STIM1: variants seen among roughly 807,000 people sequenced by gnomAD.
The protein encoded by STIM1 is stromal interaction molecule 1.
Under a neutral mutation model 74.7 loss-of-function variants are expected in STIM1, and 25 were observed. That is an observed-to-expected ratio of 0.33 (90% confidence interval 0.24 to 0.47). The LOEUF (loss-of-function observed/expected upper bound fraction) is 0.47, where lower values mean the gene tolerates loss of function less well. Among genes scored for constraint, STIM1 ranks in the 20% least tolerant of loss-of-function variants. The pLI, the probability that STIM1 is intolerant of heterozygous loss-of-function variation, is 1.00. For synonymous variants in STIM1, 328 were observed against 348.8 expected (o/e 0.94, Z 0.66); for missense variants, 728 against 920.8 (o/e 0.79, Z 2.71).
At chr11:3,925,092 C>T (rs2092770972) in intron 1 of STIM1, among the ~76,000 whole-genome samples, 1 of 152,134 alleles carries the variant, frequency 6.6e-6, no homozygotes, top group African/African-American at 2.4e-5. Context: ...CAAAGGAATG[C>T]AGTTTTAAAA....
At chr11:3,894,316 CG>C (rs998529451) in intron 1 of STIM1, among the ~76,000 whole-genome samples, 12 of 152,050 alleles carry the variant, frequency 7.9e-5, no homozygotes, top group Non-Finnish European at 1.8e-4. Flanking sequence ...AAAAGGGCCC[CG>C]TATGTTTTCA....
At chr11:3,929,706 G>A (rs2092834179) in intron 1 of STIM1, among the ~76,000 whole-genome samples, 1 of 152,138 alleles carries the variant, frequency 6.6e-6, no homozygotes, top group African/African-American at 2.4e-5. Flanking sequence ...GGCGAGGGAA[G>A]GGTCAACACC....
chr11:3,942,255 G>T (rs1056444272), intron 1 of STIM1, among the ~76,000 whole-genome samples: 1 of 152,184 alleles, frequency 6.6e-6, no homozygotes, highest in African/African-American at 2.4e-5. Context: ...AATGAGCTGT[G>T]CAGAGAAGCA....
intron 2 of STIM1, among the ~76,000 whole-genome samples, chr11:3,972,478 CATTT>C (rs527805796): frequency 2.5e-3 from 373 of 152,190 alleles, no homozygotes; most frequent in African/African-American, 8.5e-3. Flanking sequence ...TTTATAGACA[CATTT>C]ATTCAGCATC....
chr11:3,896,854 C>T (rs1441647619), intron 1 of STIM1, among the ~76,000 whole-genome samples: 1 of 152,100 alleles, frequency 6.6e-6, no homozygotes, highest in Admixed American at 6.5e-5. Flanking sequence ...TGTCTCTGAG[C>T]CTGCTTCCTC....
intron 1 of STIM1, among the ~76,000 whole-genome samples, chr11:3,890,417 T>C (rs901574815): frequency 2.6e-5 from 4 of 152,226 alleles, no homozygotes; most frequent in African/African-American, 9.6e-5. Flanking sequence ...TAAGAACTTT[T>C]CTGTATCACC....
intron 7 of STIM1, among the ~76,000 whole-genome samples, chr11:4,080,855 A>G (rs547869932): frequency 6.6e-6 from 1 of 151,898 alleles, no homozygotes; most frequent in South Asian, 2.1e-4. Context: ...TCTCTTCTTC[A>G]TCCATTCTTC....
intron 1 of STIM1, among the ~76,000 whole-genome samples, chr11:3,954,456 G>T (rs2093186983): frequency 6.6e-6 from 1 of 152,206 alleles, no homozygotes; most frequent in Non-Finnish European, 1.5e-5. Flanking sequence ...CATGGTTCCT[G>T]CCACTATGGA....
intron 1 of STIM1, among the ~76,000 whole-genome samples, chr11:3,914,239 C>T (rs917132590): frequency 1.3e-5 from 2 of 152,100 alleles, no homozygotes; most frequent in African/African-American, 2.4e-5. Context: ...TGTCTTTTTA[C>T]GTCTTGCTTA....
chr11:3,873,245 G>A (rs1017108149), intron 1 of STIM1, among the ~76,000 whole-genome samples: 4 of 151,818 alleles, frequency 2.6e-5, no homozygotes, highest in African/African-American at 9.7e-5. Context: ...GAGAAACCCC[G>A]TCTTTACTAA....
intron 1 of STIM1, among the ~76,000 whole-genome samples, chr11:3,883,328 C>T (rs1169243952): frequency 6.6e-6 from 1 of 152,048 alleles, no homozygotes; most frequent in Non-Finnish European, 1.5e-5. Flanking sequence ...ATGAACATCT[C>T]TATAATGGGA....
intron 1 of STIM1, among the ~76,000 whole-genome samples, chr11:3,864,520 A>G (rs1176139167): frequency 6.6e-6 from 1 of 152,184 alleles, no homozygotes; most frequent in Admixed American, 6.5e-5. Flanking sequence ...ACTGGGCTAT[A>G]CTGGACATGA....
chr11:3,877,774 T>C (rs2091355349), intron 1 of STIM1, among the ~76,000 whole-genome samples: 1 of 152,198 alleles, frequency 6.6e-6, no homozygotes, highest in Non-Finnish European at 1.5e-5. Flanking sequence ...TTGTCATATA[T>C]GCACAAGGGC....
chr11:4,026,458 T>G (rs981354837), intron 3 of STIM1, among the ~76,000 whole-genome samples: 2 of 152,232 alleles, frequency 1.3e-5, no homozygotes, highest in South Asian at 4.1e-4. Context: ...ACAGAAACCA[T>G]ATGAAGTATA....
intron 1 of STIM1, among the ~76,000 whole-genome samples, chr11:3,962,406 A>G (rs956137036): frequency 2.0e-5 from 3 of 152,048 alleles, no homozygotes; most frequent in African/African-American, 4.8e-5. Context: ...CGTTGCTGCA[A>G]AAGACATGAT....
At chr11:3,930,993 T>C (rs1385040589) in intron 1 of STIM1, among the ~76,000 whole-genome samples, 1 of 152,228 alleles carries the variant, frequency 6.6e-6, no homozygotes, top group Non-Finnish European at 1.5e-5. Flanking sequence ...ATAGATATGG[T>C]TCCTGCTCTC....
intron 1 of STIM1, among the ~76,000 whole-genome samples, chr11:3,918,968 C>T (rs570720419): frequency 3.5e-4 from 53 of 152,172 alleles, no homozygotes; most frequent in African/African-American, 1.2e-3. Context: ...TGCCAGGAGA[C>T]TTGGACAGGG....
intron 2 of STIM1, among the ~76,000 whole-genome samples, chr11:3,976,539 T>A (rs1004825259): frequency 3.3e-5 from 5 of 152,154 alleles, no homozygotes; most frequent in African/African-American, 1.2e-4. Flanking sequence ...TTAAATTTCA[T>A]CATATGTTAA....
rs1418384472 is a variant in STIM1, at chr11:4,070,054, C to G, written c.642C>G (p.Phe214Leu). 12 of 1,614,044 alleles carry G rather than the reference C, an allele frequency of 7.4e-6. No homozygotes were observed. The highest frequency in any genetic ancestry group is 9.3e-6 in the Non-Finnish European group (11 of 1,180,020). ...CTCGCCATAATCACCTCAAGGACTT[C>G]ATGCTGGTGGTGTCTATCGTTATTG... ...LLTRHNHLKD[F>L]MLVVSIVIGV... Residue 214 changes from phenylalanine (F) to leucine (L), a missense_variant, in exon 6 of 13, where the codon TTC becomes TTG. Around this residue, in one of 5 missense-constraint regions of STIM1, gnomAD observed 132 missense variants for 158.2 expected, o/e 0.83. Coordinates refer to ENST00000526596, the MANE Select transcript of STIM1 (RefSeq NM_001382567.1).
Sources: gnomAD v4.1 joint callset for allele counts (sites outside exome capture counted in the v4.1 genomes callset) on GRCh38, gnomAD v4.1.1 for gene constraint, gnomAD v4.1.1 regional missense constraint, MANE v1.5 for transcripts, NCBI Gene and HGNC (gene_info 2026-07-23, HGNC 2026-07-21) for gene names.